The following IL1RAPL2 variants were observed in gnomAD, a reference collection of about 807,000 sequenced individuals.
IL1RAPL2 encodes the protein interleukin 1 receptor accessory protein like 2, also known as X-linked interleukin-1 receptor accessory protein-like 2.
In IL1RAPL2, 3 loss-of-function variants were observed where a neutral mutation model predicts 44.1. That is an observed-to-expected ratio of 0.07 (90% CI 0.03 to 0.18). IL1RAPL2 has a LOEUF of 0.18. Among genes scored for constraint, IL1RAPL2 ranks in the 10% least tolerant of loss-of-function variants. The pLI is 1.00. For synonymous variants in IL1RAPL2, 181 were observed against 178.8 expected (o/e 1.01, Z -0.10); for missense variants, 391 against 496.4 (o/e 0.79, Z 2.02).
At chrX:105,034,624 G>A (rs775173639) in intron 2 of IL1RAPL2, among the ~76,000 whole-genome samples, 6 of 111,885 alleles carry the variant, frequency 5.4e-5, no homozygotes, top group South Asian at 3.8e-4. Context: ...AGGAGTACCC[G>A]GTCATGTGAG....
chrX:104,658,829 A>G, intron 1 of IL1RAPL2, 66 bp from the exon 2 acceptor site: 1 of 653,060 alleles, frequency 1.5e-6, no homozygotes, highest in Non-Finnish European at 2.5e-6. Context: ...GTAAAATTAT[A>G]GGTGTGGTTT....
intron 2 of IL1RAPL2, among the ~76,000 whole-genome samples, chrX:104,948,698 C>A (rs1342203895): frequency 1.8e-5 from 2 of 110,797 alleles, no homozygotes; most frequent in East Asian, 5.7e-4. Flanking sequence ...GTCTTTGGTT[C>A]TGTTTATATG....
chrX:105,598,848 T>C (rs1210461693), intron 6 of IL1RAPL2, among the ~76,000 whole-genome samples: 1 of 112,439 alleles, frequency 8.9e-6, no homozygotes, highest in Non-Finnish European at 1.9e-5. Flanking sequence ...TTTGAACTTA[T>C]TATGGACAAC....
chrX:104,930,512 A>G (rs1285184115), intron 2 of IL1RAPL2, among the ~76,000 whole-genome samples: 1 of 111,985 alleles, frequency 8.9e-6, no homozygotes, highest in Non-Finnish European at 1.9e-5. Context: ...TTCAATACTC[A>G]CAGTAGCCCT....
At chrX:104,648,876 C>T (rs1884126) in intron 1 of IL1RAPL2, among the ~76,000 whole-genome samples, 15,307 of 110,877 alleles carry the variant, frequency 0.14, 2,641 homozygotes, top group African/African-American at 0.48. Context: ...ATGATCACTA[C>T]AGAAATCAAA....
intron 5 of IL1RAPL2, among the ~76,000 whole-genome samples, chrX:105,344,053 C>G (rs2035091784): frequency 9.0e-6 from 1 of 110,800 alleles, no homozygotes; most frequent in South Asian, 3.9e-4. Context: ...TGCCACCACA[C>G]CTGGCTAATT....
chrX:105,149,519 A>G (rs1350528457), intron 2 of IL1RAPL2, among the ~76,000 whole-genome samples: 4 of 111,652 alleles, frequency 3.6e-5, no homozygotes, highest in Non-Finnish European at 7.5e-5. Flanking sequence ...GAGAACATGT[A>G]TATTAAGGCG....
At chrX:105,150,153 T>G (rs2033214335) in intron 2 of IL1RAPL2, among the ~76,000 whole-genome samples, 1 of 111,271 alleles carries the variant, frequency 9.0e-6, no homozygotes, top group Admixed American at 9.6e-5. Flanking sequence ...AACTAAACAC[T>G]AGTTAATGAA....
chrX:104,608,233 T>G (rs1602641271), intron 1 of IL1RAPL2, among the ~76,000 whole-genome samples: 1 of 104,083 alleles, frequency 9.6e-6, no homozygotes, highest in Admixed American at 1.0e-4. Context: ...AGTCAGGGGG[T>G]GGGGGGCTGT....
chrX:105,501,369 A>T (rs1444660005), intron 6 of IL1RAPL2, among the ~76,000 whole-genome samples: 1 of 111,452 alleles, frequency 9.0e-6, no homozygotes, highest in Non-Finnish European at 1.9e-5. Flanking sequence ...CATGCCTGTA[A>T]TCCTAGCACT....
intron 2 of IL1RAPL2, among the ~76,000 whole-genome samples, chrX:104,913,898 G>C (rs923625633): frequency 8.9e-6 from 1 of 112,157 alleles, no homozygotes; most frequent in East Asian, 2.8e-4. Context: ...TTAAAAATAG[G>C]TTTTGGTTGC....
intron 1 of IL1RAPL2, among the ~76,000 whole-genome samples, chrX:104,620,639 C>CAAAAA (rs771769782): frequency 0.017 from 250 of 14,584 alleles, 52 homozygotes; most frequent in Middle Eastern, 0.059. Flanking sequence ...GAGTCTGTCT[C>CAAAAA]AAAAAAAAAA....
intron 5 of IL1RAPL2, chrX:105,406,244 A>G: frequency 9.0e-7 from 1 of 1,109,124 alleles, no homozygotes; most frequent in South Asian, 1.8e-5. Flanking sequence ...GTTTAAGGAC[A>G]AAAGTGTCTG....
intron 5 of IL1RAPL2, among the ~76,000 whole-genome samples, chrX:105,447,341 AT>A (rs2035971983): frequency 3.3e-5 from 2 of 61,464 alleles, no homozygotes; most frequent in Non-Finnish European, 5.6e-5. Flanking sequence ...AAAAATATAA[AT>A]ATATAAATAT....
At chrX:105,676,895 C>T (rs2037877673) in intron 6 of IL1RAPL2, among the ~76,000 whole-genome samples, 1 of 111,792 alleles carries the variant, frequency 8.9e-6, no homozygotes, top group African/African-American at 3.2e-5. Flanking sequence ...TTAGTGATGA[C>T]ATATTTATTT....
At chrX:105,448,121 T>TCA (rs112563421) in intron 5 of IL1RAPL2, among the ~76,000 whole-genome samples, 18,913 of 106,953 alleles carry the variant, frequency 0.18, 4,253 homozygotes, top group African/African-American at 0.62. Context: ...ATATTGAAGA[T>TCA]CCATTATATG....
intron 2 of IL1RAPL2, among the ~76,000 whole-genome samples, chrX:104,772,012 G>T (rs1348144381): frequency 9.0e-6 from 1 of 111,531 alleles, no homozygotes; most frequent in Non-Finnish European, 1.9e-5. Context: ...GAAGACTACT[G>T]ACCTAGGAGT....
chrX:105,259,181 G>A (rs1214363736), intron 4 of IL1RAPL2, among the ~76,000 whole-genome samples: 2 of 111,831 alleles, frequency 1.8e-5, no homozygotes, highest in South Asian at 3.8e-4. Flanking sequence ...GTTTCAGAGG[G>A]GGGGTATGTT....
intron 2 of IL1RAPL2, among the ~76,000 whole-genome samples, chrX:104,887,340 CAG>C (rs1923278810): frequency 8.9e-6 from 1 of 112,103 alleles, no homozygotes. Flanking sequence ...TTATACGTCA[CAG>C]AGAGAGCAGA....
Sources: allele counts gnomAD v4.1 joint callset (sites outside exome capture counted in the v4.1 genomes callset), GRCh38; gene constraint gnomAD v4.1.1; transcripts MANE v1.5; gene names NCBI Gene and HGNC (gene_info 2026-07-23, HGNC 2026-07-21).